The following SLC25A26 variants were observed in gnomAD, a reference collection of about 807,000 sequenced individuals.
SLC25A26 encodes the protein solute carrier family 25 member 26, also known as mitochondrial S-adenosylmethionine carrier protein.
A neutral mutation model predicts 37.8 loss-of-function variants in SLC25A26; 36 were observed. The ratio of observed to expected loss-of-function variants is 0.95; its 90% CI spans 0.73 to 1.26. The LOEUF is 1.26. Among genes scored for constraint, SLC25A26 ranks in the 50% most tolerant of loss-of-function variants. The pLI is 0.00. For missense variants in SLC25A26, 390 were observed against 331.1 expected, an observed-to-expected ratio of 1.18 and a Z score of -1.38; for synonymous variants, 129 against 122.5, an observed-to-expected ratio of 1.05 and a Z score of -0.35.
intron 3 of SLC25A26, among the ~76,000 whole-genome samples, chr3:66,251,602 G>A (rs1034863263): frequency 6.6e-6 from 1 of 152,172 alleles, no homozygotes; most frequent in Non-Finnish European, 1.5e-5. Context: ...GGTCAGAACG[G>A]GAGGGTCAGG....
intron 5 of SLC25A26, among the ~76,000 whole-genome samples, chr3:66,300,230 C>T (rs2075032636): frequency 6.9e-6 from 1 of 144,540 alleles, no homozygotes; most frequent in African/African-American, 2.5e-5. Flanking sequence ...CTCCAGTGGA[C>T]TTCTAGGCTA....
In SLC25A26 at chr3:66,306,113, T is replaced by G. The variant is rs573672791; in HGVS notation, c.454-40251T>G. ...AGTTCTCCTGCGTCAGCCTCCCGAG[T>G]AGCTGGGACTACAGGTGTGCACCAC... On this transcript the variant is annotated intron_variant, in intron 5 of 9. Coordinates refer to ENST00000354883, the MANE Select transcript of SLC25A26 (RefSeq NM_001379210.1). 3.8e-4 allele frequency among the ~76,000 whole-genome samples: 58 copies of G among 152,212 alleles called. 1 individual carries two copies. The highest frequency in any genetic ancestry group is 6.8e-3 in the Middle Eastern group (2 of 292).
chr3:66,352,031 C>G (rs1456025987), intron 6 of SLC25A26, among the ~76,000 whole-genome samples: 1 of 151,898 alleles, frequency 6.6e-6, no homozygotes, highest in Non-Finnish European at 1.5e-5. Flanking sequence ...GGAAGATCAC[C>G]TGAGCTCAGG....
chr3:66,325,028 G>C (rs1255813223), intron 5 of SLC25A26, among the ~76,000 whole-genome samples: 1 of 152,062 alleles, frequency 6.6e-6, no homozygotes, highest in African/African-American at 2.4e-5. Flanking sequence ...ATCTTATTAG[G>C]GGGTGGAGAG....
intron 1 of SLC25A26, among the ~76,000 whole-genome samples, chr3:66,175,134 T>C (rs1332904614): frequency 4.1e-5 from 3 of 72,644 alleles, no homozygotes; most frequent in African/African-American, 1.7e-4. Flanking sequence ...TATATATATA[T>C]ATATATACAC....
chr3:66,205,473 G>C (rs2106821260), intron 1 of SLC25A26, among the ~76,000 whole-genome samples: 1 of 152,282 alleles, frequency 6.6e-6, no homozygotes. Flanking sequence ...TTGAGATATG[G>C]AGGGAGATAT....
chr3:66,282,934 A>C (rs536523868), intron 5 of SLC25A26, among the ~76,000 whole-genome samples: 3 of 152,212 alleles, frequency 2.0e-5, no homozygotes, highest in Non-Finnish European at 2.9e-5. Context: ...TTTAAATGGC[A>C]TTACAGAATA....
At chr3:66,289,944 C>T (rs1007615047) in intron 5 of SLC25A26, among the ~76,000 whole-genome samples, 3 of 152,170 alleles carry the variant, frequency 2.0e-5, no homozygotes, top group African/African-American at 7.2e-5. Context: ...TTCTTCTTAT[C>T]CATGAGCATG....
intron 1 of SLC25A26, among the ~76,000 whole-genome samples, chr3:66,136,855 T>A (rs934228394): frequency 2.6e-5 from 4 of 152,226 alleles, no homozygotes; most frequent in Non-Finnish European, 5.9e-5. Flanking sequence ...TGAGGTGCTA[T>A]GTCCCTCTCA....
chr3:66,135,345 A>G (rs1470222041), intron 1 of SLC25A26, among the ~76,000 whole-genome samples: 1 of 152,238 alleles, frequency 6.6e-6, no homozygotes. Context: ...AATACGTTAC[A>G]TGCTCAAATC....
intron 1 of SLC25A26, among the ~76,000 whole-genome samples, chr3:66,190,537 T>C (rs912329236): frequency 2.0e-5 from 3 of 152,178 alleles, no homozygotes; most frequent in East Asian, 1.9e-4. Context: ...CCAGTGATTT[T>C]CCTGCCTCAG....
Position 66,356,556 on chromosome 3 carries a change from A to C in SLC25A26, c.499-6304A>C, listed in dbSNP as rs576717271. The stretch of plus-strand genomic sequence containing the variant: ...AACTAGGGTCTGTAGCTTAGTTAAT[A>C]GTGTTGTACCAATCTCAGTCTTGTG... On this transcript the variant is annotated intron_variant, in intron 6 of 9. Transcript: ENST00000354883. Among the ~76,000 whole-genome samples, 3 of 152,332 alleles carry C rather than the reference A, an allele frequency of 2.0e-5. No individual in the cohort carries two copies. In the South Asian group the frequency reaches 6.2e-4, roughly 32 times the overall value.
intron 1 of SLC25A26, among the ~76,000 whole-genome samples, chr3:66,187,694 C>A (rs990663708): frequency 0.011 from 1,638 of 151,894 alleles, 31 homozygotes; most frequent in African/African-American, 0.037. Flanking sequence ...ATAACTTGAC[C>A]CTGACCATAA....
intron 5 of SLC25A26, among the ~76,000 whole-genome samples, chr3:66,285,016 T>C (rs891170606): frequency 9.9e-5 from 15 of 152,102 alleles, no homozygotes; most frequent in Admixed American, 9.8e-4. Flanking sequence ...CAATTAAGGA[T>C]AGTACCAACT....
At chr3:66,363,743 T>G (rs1207098340) in intron 7 of SLC25A26, among the ~76,000 whole-genome samples, 1 of 152,172 alleles carries the variant, frequency 6.6e-6, no homozygotes, top group Non-Finnish European at 1.5e-5. Context: ...AAATAATTAT[T>G]TTGCAATTTG....
upstream of SLC25A26, among the ~76,000 whole-genome samples, chr3:66,219,277 G>T (rs1001023052): frequency 9.8e-4 from 149 of 152,222 alleles, no homozygotes; most frequent in African/African-American, 3.3e-3. Flanking sequence ...AAGATTCCTG[G>T]CCCCTAATGT....
At chr3:66,183,902 C>G (rs2106767268) in intron 1 of SLC25A26, among the ~76,000 whole-genome samples, 1 of 152,092 alleles carries the variant, frequency 6.6e-6, no homozygotes, top group East Asian at 1.9e-4. Context: ...GAACCTGACA[C>G]TTATCTAATG....
At chr3:66,231,648 A>G (rs578074747) in intron 1 of SLC25A26, among the ~76,000 whole-genome samples, 233 of 152,352 alleles carry the variant, frequency 1.5e-3, no homozygotes, top group Non-Finnish European at 2.9e-3. Context: ...ATGCATATAC[A>G]AATAGTTACA....
At chr3:66,278,116 T>C (rs2074217616) in intron 5 of SLC25A26, among the ~76,000 whole-genome samples, 1 of 152,122 alleles carries the variant, frequency 6.6e-6, no homozygotes, top group Non-Finnish European at 1.5e-5. Context: ...TTTTGATAAG[T>C]GTACTGTAGT....
Sources: allele counts gnomAD v4.1 joint callset (sites outside exome capture counted in the v4.1 genomes callset), GRCh38; gene constraint gnomAD v4.1.1; transcripts MANE v1.5; gene names NCBI Gene and HGNC (gene_info 2026-07-23, HGNC 2026-07-21).